The following MECOM variants were observed in gnomAD, a reference collection of about 807,000 sequenced individuals.
MECOM encodes the protein MDS1 and EVI1 complex locus.
MECOM carries 13 observed loss-of-function variants against 116.3 expected under a neutral mutation model. That is an observed-to-expected ratio of 0.11 (90% CI 0.07 to 0.18). The LOEUF is 0.18. Among genes scored for constraint, MECOM ranks in the 10% least tolerant of loss-of-function variants. MECOM has a pLI of 1.00. For synonymous variants in MECOM, 528 were observed against 535.2 expected, an observed-to-expected ratio of 0.99 and a Z score of 0.19; for missense variants, 1,299 against 1,509.0, an observed-to-expected ratio of 0.86 and a Z score of 2.31.
At chr3:169,362,137 A>G (rs995195978) in intron 2 of MECOM, among the ~76,000 whole-genome samples, 2 of 151,908 alleles carry the variant, frequency 1.3e-5, no homozygotes, top group Admixed American at 1.3e-4. Flanking sequence ...GCCCCAATAT[A>G]TTAGGTTGGT....
At chr3:169,133,826 G>A in intron 3 of MECOM, 1 of 902,680 alleles carries the variant, frequency 1.1e-6, no homozygotes, top group Non-Finnish European at 1.5e-6. Flanking sequence ...AAACTTTCCA[G>A]TTAAATACTT....
At chr3:169,574,410 A>G (rs1167074077) in intron 1 of MECOM, among the ~76,000 whole-genome samples, 1 of 152,214 alleles carries the variant, frequency 6.6e-6, no homozygotes, top group African/African-American at 2.4e-5. Context: ...CAGAACTCAT[A>G]TTGGATTGAT....
chr3:169,404,926 CA>C (rs1257717855), intron 1 of MECOM, among the ~76,000 whole-genome samples: 2 of 152,202 alleles, frequency 1.3e-5, no homozygotes, highest in African/African-American at 4.8e-5. Flanking sequence ...CTAAATAAAG[CA>C]ATCAGGCCCT....
chr3:169,142,742 TAG>T (rs1738513805), intron 3 of MECOM, among the ~76,000 whole-genome samples: 1 of 151,884 alleles, frequency 6.6e-6, no homozygotes. Context: ...ATGAATGAAA[TAG>T]AGTCTTAGAC....
chr3:169,267,177 G>T (rs1303787456), intron 2 of MECOM, among the ~76,000 whole-genome samples: 1 of 152,232 alleles, frequency 6.6e-6, no homozygotes, highest in Non-Finnish European at 1.5e-5. Flanking sequence ...AAGTTAGAAG[G>T]ATCCAGGGTT....
chr3:169,143,010 TTAC>T (rs1397081343), intron 3 of MECOM, among the ~76,000 whole-genome samples: 1 of 151,936 alleles, frequency 6.6e-6, no homozygotes, highest in Non-Finnish European at 1.5e-5. Context: ...TCATATGATA[TTAC>T]AAGATTCATA....
chr3:169,660,858 G>A (rs370331253), intron 1 of MECOM, among the ~76,000 whole-genome samples: 1 of 152,150 alleles, frequency 6.6e-6, no homozygotes, highest in Non-Finnish European at 1.5e-5. Flanking sequence ...GAATTGCAAC[G>A]CAGCGCTTCT....
intron 2 of MECOM, among the ~76,000 whole-genome samples, chr3:169,301,193 G>C (rs192334908): frequency 1.8e-3 from 268 of 152,292 alleles, no homozygotes; most frequent in African/African-American, 6.2e-3. Flanking sequence ...AAGTGAAACA[G>C]CTGCACAAGG....
chr3:169,605,814 T>C (rs1768460678), intron 1 of MECOM, among the ~76,000 whole-genome samples: 1 of 152,204 alleles, frequency 6.6e-6, no homozygotes, highest in African/African-American at 2.4e-5. Flanking sequence ...ACAGAAGCCA[T>C]GGATATCATG....
intron 1 of MECOM, among the ~76,000 whole-genome samples, chr3:169,440,871 G>C (rs542970830): frequency 2.6e-5 from 4 of 152,260 alleles, no homozygotes; most frequent in Non-Finnish European, 5.9e-5. Flanking sequence ...TGGATATGAA[G>C]AGATATTCAT....
At chr3:169,627,334 G>A (rs560085834) in intron 1 of MECOM, among the ~76,000 whole-genome samples, 78 of 152,306 alleles carry the variant, frequency 5.1e-4, no homozygotes, top group Non-Finnish European at 9.1e-4. Flanking sequence ...CAAGATACAA[G>A]CACAGCTATT....
intron 2 of MECOM, among the ~76,000 whole-genome samples, chr3:169,314,129 T>C (rs1323353817): frequency 2.0e-5 from 3 of 152,240 alleles, no homozygotes; most frequent in Admixed American, 2.0e-4. Context: ...AGCTTCCTCC[T>C]TCCTTGTCTT....
intron 1 of MECOM, among the ~76,000 whole-genome samples, chr3:169,549,412 A>T (rs1761107278): frequency 6.6e-6 from 1 of 152,230 alleles, no homozygotes; most frequent in Admixed American, 6.5e-5. Context: ...AAGAAAAAAA[A>T]AAAAAAGCTT....
At chr3:169,250,968 T>C (rs997240939) in intron 2 of MECOM, among the ~76,000 whole-genome samples, 3 of 152,332 alleles carry the variant, frequency 2.0e-5, no homozygotes, top group African/African-American at 7.2e-5. Context: ...GTAAATTTGC[T>C]AAAATGTTGA....
Position 169,653,977 on chromosome 3 carries a change from A to C in MECOM, c.37+9359T>G, listed in dbSNP as rs1056080329. Among the ~76,000 whole-genome samples the C allele has an allele frequency of 1.2e-4, 18 of 152,238 alleles. 1 individual carries two copies. The highest frequency in any genetic ancestry group is 4.3e-4 in the African/African-American group (18 of 41,460). On this transcript the variant is annotated intron_variant, in intron 1 of 16. Transcript: ENST00000651503. ...CAAGCTAAGGAATTTGAGATTCAGC[A>C]TCAGGTATAAAGATTGAGAATGAGG...
At chr3:169,343,195 C>G (rs1001387386) in intron 2 of MECOM, among the ~76,000 whole-genome samples, 1 of 152,202 alleles carries the variant, frequency 6.6e-6, no homozygotes, top group Non-Finnish European at 1.5e-5. Context: ...GATGACAATG[C>G]GTAATAGCCT....
At chr3:169,372,644 T>C (rs934650761) in intron 2 of MECOM, among the ~76,000 whole-genome samples, 1 of 152,046 alleles carries the variant, frequency 6.6e-6, no homozygotes. Flanking sequence ...TAATTGGCTT[T>C]TGCCCTAATA....
intron 2 of MECOM, chr3:169,146,582 G>A: frequency 7.3e-7 from 1 of 1,374,024 alleles, no homozygotes; most frequent in South Asian, 1.1e-5. Flanking sequence ...GCAGGGCTCC[G>A]CGAGACTGCG....
At chr3:169,190,171 C>T (rs1747324526) in intron 2 of MECOM, among the ~76,000 whole-genome samples, 1 of 151,956 alleles carries the variant, frequency 6.6e-6, no homozygotes, top group Non-Finnish European at 1.5e-5. Context: ...ATTCACATAT[C>T]TAGGCAAGGA....
Sources: gnomAD v4.1 joint callset for allele counts (sites outside exome capture counted in the v4.1 genomes callset) on GRCh38, gnomAD v4.1.1 for gene constraint, MANE v1.5 for transcripts, NCBI Gene and HGNC (gene_info 2026-07-23, HGNC 2026-07-21) for gene names.